Variants in PPP2R2C observed in about 807,000 individuals in gnomAD.
PPP2R2C encodes protein phosphatase 2 regulatory subunit Bgamma, also known as protein phosphatase 2, regulatory subunit B, gamma.
A neutral mutation model predicts 45.3 loss-of-function variants in PPP2R2C; 10 were observed. The ratio of observed to expected loss-of-function variants is 0.22; its 90% CI spans 0.14 to 0.37. The LOEUF is 0.37. Ranked by LOEUF, PPP2R2C falls within the 10% of genes least tolerant of loss-of-function variation. The pLI, the probability that PPP2R2C is intolerant of heterozygous loss-of-function variation, is 1.00. For missense variants in PPP2R2C, 308 were observed against 619.7 expected, an observed-to-expected ratio of 0.50 and a Z score of 5.34; for synonymous variants, 257 against 245.4, an observed-to-expected ratio of 1.05 and a Z score of -0.44.
chr4:6,535,309 G>A (rs1442117060), exon 2 of PPP2R2C: 7 of 1,535,358 alleles, frequency 4.6e-6, no homozygotes, highest in African/African-American at 1.4e-5. Context: ...CAACGTGTCC[G>A]CCTCACGCAT....
upstream of PPP2R2C, among the ~76,000 whole-genome samples, chr4:6,475,112 G>A (rs1288115826): frequency 2.6e-5 from 4 of 152,364 alleles, no homozygotes; most frequent in South Asian, 6.2e-4. Context: ...GGGGTGAGAT[G>A]GACAGCATAA....
At position 6,382,963 on chromosome 4, in the gene PPP2R2C, C is replaced by A. The variant is rs544727671; in HGVS notation, c.71-1869G>T. The A allele has an allele frequency of 5.6e-6, 6 of 1,073,542 alleles. No homozygotes were observed. The African/African-American group carries it at 8.5e-5, about 15-fold the overall frequency. 66.5% of individuals were successfully genotyped at this position (1,073,542 alleles called of 1,614,324 possible). The stretch of plus-strand genomic sequence containing the variant: ...TGTTCTAAAGGCAGCCCCCACCTGC[C>A]GAGGCCCAGGTGGGCCGCATCTGGA... On this transcript the variant is annotated intron_variant, in intron 1 of 8. Coordinates refer to ENST00000382599, the MANE Select transcript of PPP2R2C (RefSeq NM_020416.4).
intron 1 of PPP2R2C, among the ~76,000 whole-genome samples, chr4:6,536,708 T>G (rs1434994839): frequency 6.6e-6 from 1 of 152,242 alleles, no homozygotes; most frequent in Admixed American, 6.5e-5. Context: ...CACAGGCCCC[T>G]TGTCTGCTAG....
At chr4:6,363,379 C>G (rs921561270) in intron 5 of PPP2R2C, among the ~76,000 whole-genome samples, 12 of 152,020 alleles carry the variant, frequency 7.9e-5, no homozygotes, top group African/African-American at 2.9e-4. Flanking sequence ...GAGATCGAGA[C>G]CATCCTGGCT....
At chr4:6,384,804 G>A in intron 1 of PPP2R2C, 1 of 985,458 alleles carries the variant, frequency 1.0e-6, no homozygotes, top group Non-Finnish European at 1.2e-6. Flanking sequence ...CCATTTGGCA[G>A]CAGAGGAGAT....
chr4:6,389,226 C>T (rs1003297630), intron 1 of PPP2R2C, among the ~76,000 whole-genome samples: 4 of 152,220 alleles, frequency 2.6e-5, no homozygotes, highest in South Asian at 2.1e-4. Context: ...TGGACTAGGA[C>T]GTTCCCTGGA....
chr4:6,512,545 A>G (rs35149663), intron 2 of PPP2R2C, among the ~76,000 whole-genome samples: 207 of 41,724 alleles, frequency 5.0e-3, no homozygotes, highest in African/African-American at 9.5e-3. Flanking sequence ...GATGGTGGTG[A>G]TGGTGGTGAT....
chr4:6,350,658 C>T, intron 5 of PPP2R2C: 2 of 858,260 alleles, frequency 2.3e-6, no homozygotes, highest in Non-Finnish European at 2.6e-6. Flanking sequence ...CTGAACATTC[C>T]AGGTTCTCTC....
rs908739365 is a variant in PPP2R2C at position 6,330,920 on chromosome 4, G to C, written c.961-1567C>G. Among the ~76,000 whole-genome samples the C allele has an allele frequency of 3.3e-5, 5 of 151,728 alleles. No individual in the cohort carries two copies. Among genetic ancestry groups the C allele is most frequent in the African/African-American group, 1.2e-4 (5 of 41,292 alleles). On this transcript the variant is annotated intron_variant, in intron 7 of 8. Transcript: ENST00000382599. This position sits in a 1 kb window ranked among gnomAD's most constrained non-coding sequence, Gnocchi z 7.0. ...CCCTTGCCTTCCCCTTGGGCCCCTG[G>C]GCTGCAGCCCCACCAAGCTGAGGGT... is the stretch of plus-strand genomic sequence containing the variant.
At position 6,452,563 on chromosome 4, in the gene PPP2R2C, A is replaced by T. The variant is rs190020078; in HGVS notation, c.70+19597T>A. 1.4e-3 allele frequency among the ~76,000 whole-genome samples: 209 copies of T among 152,302 alleles called. 1 individual carries two copies. The highest frequency in any genetic ancestry group is 4.7e-3 in the African/African-American group (196 of 41,566). ...AGGCCCAGAGGGCTGTGCGCCCTGC[A>T]CCACCTTAGAAGGACACAGTAGCCC... On this transcript the variant is annotated intron_variant, in intron 1 of 8. Coordinates refer to ENST00000382599, the MANE Select transcript of PPP2R2C (RefSeq NM_020416.4).
intron 1 of PPP2R2C, among the ~76,000 whole-genome samples, chr4:6,389,504 G>A (rs755107629): frequency 5.3e-5 from 8 of 152,202 alleles, no homozygotes; most frequent in African/African-American, 9.7e-5. Context: ...GCCTGCTGCC[G>A]AAGGGAAATG....
chr4:6,439,743 T>A (rs978216474), intron 1 of PPP2R2C, among the ~76,000 whole-genome samples: 4 of 152,216 alleles, frequency 2.6e-5, no homozygotes, highest in African/African-American at 9.7e-5. Flanking sequence ...TACTTCTCTG[T>A]TGAATGGCTG....
At chr4:6,545,011 G>A (rs1484245664) in intron 1 of PPP2R2C, among the ~76,000 whole-genome samples, 2 of 152,116 alleles carry the variant, frequency 1.3e-5, no homozygotes, top group Non-Finnish European at 2.9e-5. Context: ...GCAGTGTCAG[G>A]AAGGATGACG....
At chr4:6,442,235 C>T (rs1010467048) in intron 1 of PPP2R2C, among the ~76,000 whole-genome samples, 36 of 152,224 alleles carry the variant, frequency 2.4e-4, no homozygotes, top group African/African-American at 8.2e-4. Context: ...GCCTGCAGCT[C>T]CCCACTATCT....
In PPP2R2C at chr4:6,330,553, G is replaced by A. The variant is rs908804786; in HGVS notation, c.961-1200C>T. 5.3e-5 allele frequency among the ~76,000 whole-genome samples: 8 copies of A among 152,162 alleles called. No homozygotes were observed. The highest frequency in any genetic ancestry group is 2.1e-4 in the South Asian group (1 of 4,824). ...ACAAAGACAGACCTCCCTGAGGACC[G>A]GGGGATTCCGCTAACAGATGCGTGT... is the stretch of plus-strand genomic sequence containing the variant. On this transcript the variant is annotated intron_variant, in intron 7 of 8. Coordinates refer to ENST00000382599, the MANE Select transcript of PPP2R2C (RefSeq NM_020416.4). This position sits in a 1 kb window ranked among gnomAD's most constrained non-coding sequence, Gnocchi z 7.0.
intron 1 of PPP2R2C, among the ~76,000 whole-genome samples, chr4:6,393,010 A>G (rs181211504): frequency 9.6e-4 from 147 of 152,336 alleles, no homozygotes; most frequent in African/African-American, 3.4e-3. Flanking sequence ...GCGTTGCATC[A>G]TGATGATTTT....
chr4:6,445,718 C>CTAAA (rs530856423), intron 1 of PPP2R2C, among the ~76,000 whole-genome samples: 46 of 151,174 alleles, frequency 3.0e-4, no homozygotes, highest in Middle Eastern at 3.4e-3. Flanking sequence ...GACCCTGTCT[C>CTAAA]TAAATAAATA....
In PPP2R2C at chr4:6,348,021, T is replaced by C. The variant is rs780059922; in HGVS notation, c.626-11A>G. 2.5e-6 allele frequency: 4 copies of C among 1,612,820 alleles called. No homozygotes were observed. Among genetic ancestry groups the C allele is most frequent in the Non-Finnish European group, 3.4e-6 (4 of 1,179,256 alleles). ...TGATGTCCACGATGTCTGGGGGCAG[T>C]GCGGTCAAGGAAGGGGCAGTGAAGG... On this transcript the variant is annotated splice_polypyrimidine_tract_variant and intron_variant, in intron 5 of 8. Transcript: ENST00000382599.
chr4:6,502,770 T>C (rs1224592535), intron 2 of PPP2R2C, among the ~76,000 whole-genome samples: 1 of 152,134 alleles, frequency 6.6e-6, no homozygotes, highest in Non-Finnish European at 1.5e-5. Flanking sequence ...ATTTTCATTT[T>C]ATCCGAGCAA....
Sources: gnomAD v4.1 joint callset for allele counts (sites outside exome capture counted in the v4.1 genomes callset) on GRCh38, gnomAD v4.1.1 for gene constraint, Gnocchi (gnomAD v3.1) non-coding constraint, MANE v1.5 for transcripts, NCBI Gene and HGNC (gene_info 2026-07-23, HGNC 2026-07-21) for gene names.